Variants in NFE2L2 observed in about 807,000 individuals in gnomAD.
NFE2L2 encodes nuclear factor erythroid 2-related factor 2.
NFE2L2 carries 20 observed loss-of-function variants against 49.6 expected under a neutral mutation model. That is an observed-to-expected ratio of 0.40 (90% CI 0.28 to 0.59). NFE2L2 has a LOEUF of 0.59. Ranked by LOEUF, NFE2L2 falls within the 20% of genes least tolerant of loss-of-function variation. NFE2L2 has a pLI of 0.40. For synonymous variants in NFE2L2, 244 were observed against 256.5 expected (o/e 0.95, Z 0.47); for missense variants, 578 against 714.2 (o/e 0.81, Z 2.17).
chr2:177,232,124 A>G (rs1689576284), intron 4 of NFE2L2, 116 bp from the exon 5 acceptor site: 2 of 1,075,088 alleles, frequency 1.9e-6, no homozygotes, highest in African/African-American at 3.2e-5. Context: ...ATAATTTATT[A>G]TCTATAATTC....
chr2:177,254,834 T>G (rs1240702723), intron 1 of NFE2L2, among the ~76,000 whole-genome samples: 1 of 152,210 alleles, frequency 6.6e-6, no homozygotes, highest in African/African-American at 2.4e-5. Context: ...CTGCAAGCAG[T>G]GTTGTCCTGG....
intron 1 of NFE2L2, among the ~76,000 whole-genome samples, chr2:177,239,589 A>G (rs1295558158): frequency 6.6e-6 from 1 of 152,106 alleles, no homozygotes; most frequent in Non-Finnish European, 1.5e-5. Flanking sequence ...AGGTGGGAGG[A>G]CTGCTTGAGC....
At chr2:177,261,520 C>T (rs190525518) in intron 1 of NFE2L2, among the ~76,000 whole-genome samples, 1 of 152,152 alleles carries the variant, frequency 6.6e-6, no homozygotes, top group South Asian at 2.1e-4. Context: ...AGGAGTCAAA[C>T]CTGTTTGAAT....
chr2:177,232,126 C>T, intron 4 of NFE2L2, 118 bp from the exon 5 acceptor site: 4 of 1,068,730 alleles, frequency 3.7e-6, no homozygotes, highest in Non-Finnish European at 5.3e-6. Context: ...AATTTATTAT[C>T]TATAATTCAG....
At chr2:177,261,537 T>G (rs1367474002) in intron 1 of NFE2L2, among the ~76,000 whole-genome samples, 1 of 152,212 alleles carries the variant, frequency 6.6e-6, no homozygotes, top group Non-Finnish European at 1.5e-5. Flanking sequence ...GAATGCTACC[T>G]TGGCCACTCA....
At chr2:177,233,008 C>A (rs1689611292) in intron 3 of NFE2L2, 4 of 510,156 alleles carry the variant, frequency 7.8e-6, no homozygotes, top group Admixed American at 3.8e-5. Context: ...ATGTTTCTGG[C>A]TATGCAATAG....
chr2:177,235,943 C>T (rs1269302159), intron 1 of NFE2L2, among the ~76,000 whole-genome samples: 3 of 152,198 alleles, frequency 2.0e-5, no homozygotes, highest in African/African-American at 7.2e-5. Context: ...TAATTTTAGT[C>T]TTTGGAAAAA....
At position 177,264,520 on chromosome 2, in the gene NFE2L2, C is replaced by T; in HGVS notation, c.45+12G>A. 2.0e-6 allele frequency: 3 copies of T among 1,524,836 alleles called. No homozygotes were observed. The highest frequency in any genetic ancestry group is 8.8e-7 in the Non-Finnish European group (1 of 1,135,220). 94.5% of individuals were successfully genotyped at this position (1,524,836 alleles called of 1,614,324 possible). On this transcript the variant is annotated intron_variant, in intron 1 of 4. Transcript: ENST00000397062. ...CGGCACCACCGCAGGGCCCAGAGGG[C>T]CGAGGCAGCACCTGCTGGGACGGGA... is the stretch of plus-strand genomic sequence containing the variant.
chr2:177,238,390 AT>A (rs1689828226), intron 1 of NFE2L2, among the ~76,000 whole-genome samples: 2 of 152,272 alleles, frequency 1.3e-5, no homozygotes, highest in Admixed American at 6.5e-5. Flanking sequence ...AAGAATTGAA[AT>A]AACTATTTAA....
rs2105452499 is a variant in NFE2L2, at chr2:177,231,414, C to T, written c.1189G>A (p.Val397Ile). Reference protein sequence around the residue: ...SVKQNGPKTPVHSSGDMVQPL... With the variant: ...SVKQNGPKTPIHSSGDMVQPL... The stretch of plus-strand genomic sequence containing the variant: ...TGTACCATATCCCCAGAAGAATGTA[C>T]TGGTGTTTTAGGACCATTCTGTTTG... Residue 397 changes from valine to isoleucine, a missense_variant, in exon 5 of 5, where the codon GTA (valine) becomes ATA (isoleucine). Physicochemically the swap from Val to Ile is conservative, Grantham distance 29. Around this residue, in one of 3 missense-constraint regions of NFE2L2, gnomAD observed 368 missense variants for 384.6 expected, o/e 0.96. Coordinates refer to ENST00000397062, the MANE Select transcript of NFE2L2 (RefSeq NM_006164.5). 2 of 1,614,244 alleles carry T rather than the reference C, an allele frequency of 1.2e-6. No individual in the cohort carries two copies. The highest frequency in any genetic ancestry group is 3.3e-5 in the Admixed American group (2 of 60,032).
intron 1 of NFE2L2, among the ~76,000 whole-genome samples, chr2:177,242,316 T>C (rs903645057): frequency 2.0e-5 from 3 of 152,220 alleles, no homozygotes; most frequent in Admixed American, 6.5e-5. Context: ...CAACATGTTG[T>C]ATACATCAGC....
intron 1 of NFE2L2, among the ~76,000 whole-genome samples, chr2:177,240,586 T>G (rs1689908422): frequency 1.3e-5 from 2 of 152,188 alleles, no homozygotes; most frequent in Non-Finnish European, 2.9e-5. Context: ...CAATTCATGT[T>G]AAATCACCAT....
At chr2:177,259,284 C>T (rs929747736) in intron 1 of NFE2L2, among the ~76,000 whole-genome samples, 3 of 151,094 alleles carry the variant, frequency 2.0e-5, no homozygotes, top group Middle Eastern at 3.4e-3. Context: ...CCTGGGTGAC[C>T]GACTGAGACT....
chr2:177,252,289 G>C (rs1056042258), intron 1 of NFE2L2, among the ~76,000 whole-genome samples: 3 of 152,194 alleles, frequency 2.0e-5, no homozygotes, highest in African/African-American at 7.2e-5. Context: ...AAGGGCAGAA[G>C]AGTTTGTCAG....
At chr2:177,238,802 A>G (rs1689845089) in intron 1 of NFE2L2, among the ~76,000 whole-genome samples, 1 of 152,264 alleles carries the variant, frequency 6.6e-6, no homozygotes, top group Non-Finnish European at 1.5e-5. Context: ...ACATGTTGTA[A>G]TAAAAAAGGA....
chr2:177,246,279 T>G (rs1690126127), intron 1 of NFE2L2, among the ~76,000 whole-genome samples: 1 of 152,174 alleles, frequency 6.6e-6, no homozygotes, highest in Non-Finnish European at 1.5e-5. Flanking sequence ...AAATCAGTCT[T>G]CCCATAAAGC....
chr2:177,250,393 A>G (rs1483357953), intron 1 of NFE2L2, among the ~76,000 whole-genome samples: 12 of 152,216 alleles, frequency 7.9e-5, no homozygotes. Flanking sequence ...GTAAGCTTTC[A>G]TATTAAGATC....
chr2:177,247,982 G>A lies in NFE2L2; in HGVS notation c.46-13711C>T, dbSNP rs2272529. Among the ~76,000 whole-genome samples the A allele has an allele frequency of 3.0e-3, 452 of 152,270 alleles. 10 individuals are homozygous for A. In the East Asian group the frequency reaches 0.045, roughly 15 times the overall value. On this transcript the variant is annotated intron_variant, in intron 1 of 4. Coordinates refer to ENST00000397062, the MANE Select transcript of NFE2L2 (RefSeq NM_006164.5). ...GACTTGAAAAAGCAAGTCCAGCCAG[G>A]TTGACCCATCTACCGGCTCCTTAAA... is the stretch of plus-strand genomic sequence containing the variant.
At chr2:177,259,227 G>A (rs193061352) in intron 1 of NFE2L2, among the ~76,000 whole-genome samples, 2 of 152,070 alleles carry the variant, frequency 1.3e-5, no homozygotes, top group South Asian at 2.1e-4. Flanking sequence ...GCTTGAACTC[G>A]GGAGGTGGAG....
Sources: gnomAD v4.1 joint callset for allele counts (sites outside exome capture counted in the v4.1 genomes callset) on GRCh38, gnomAD v4.1.1 for gene constraint, gnomAD v4.1.1 regional missense constraint, MANE v1.5 for transcripts, NCBI Gene and HGNC (gene_info 2026-07-23, HGNC 2026-07-21) for gene names.